The following PPP1R9A variants were observed in gnomAD, a reference collection of about 807,000 sequenced individuals.
The protein encoded by PPP1R9A is protein phosphatase 1 regulatory subunit 9A.
A neutral mutation model predicts 141.9 loss-of-function variants in PPP1R9A; 59 were observed. The observed-to-expected ratio is 0.42, with a 90% CI of 0.34 to 0.52. The LOEUF (loss-of-function observed/expected upper bound fraction) is 0.52. Ranked by LOEUF, PPP1R9A falls within the 20% of genes least tolerant of loss-of-function variation. PPP1R9A has a pLI of 0.10. For missense variants in PPP1R9A, 1,444 were observed against 1,611.9 expected (o/e 0.90, Z 1.78); for synonymous variants, 500 against 569.7 (o/e 0.88, Z 1.74).
chr7:94,919,529 T>C (rs549528111), intron 2 of PPP1R9A, among the ~76,000 whole-genome samples: 35 of 152,294 alleles, frequency 2.3e-4, no homozygotes, highest in African/African-American at 8.4e-4. Context: ...GAAGGAATCC[T>C]GTTCCTTTTC....
At chr7:95,141,750 C>T (rs958287594) in intron 4 of PPP1R9A, among the ~76,000 whole-genome samples, 3 of 151,968 alleles carry the variant, frequency 2.0e-5, no homozygotes, top group Non-Finnish European at 2.9e-5. Context: ...GATAATACCA[C>T]ATTTAGTTTA....
rs541362156 is a variant in PPP1R9A at position 94,944,454 on chromosome 7, C to A, written c.1395+32946C>A. 2.0e-3 allele frequency among the ~76,000 whole-genome samples: 277 copies of A among 139,900 alleles called. 3 individuals carry two copies. Among genetic ancestry groups the A allele is most frequent in the African/African-American group, 8.0e-3 (260 of 32,626 alleles). The allele number at this position is 139,900 out of a possible 152,430, so 91.8% of individuals were successfully genotyped here. A position where few individuals can be genotyped will look rare whatever the true frequency, so the allele number is the denominator to read the frequency against. Reference sequence around the variant, plus strand: ...TATAGTAGAAATATCCACCCCCCCACCCCCCGATTAAAAAAAAAGGTCATT... The same window carrying A: ...TATAGTAGAAATATCCACCCCCCCAACCCCCGATTAAAAAAAAAGGTCATT... On this transcript the variant is annotated intron_variant, in intron 2 of 19. Coordinates refer to ENST00000433360, the MANE Select transcript of PPP1R9A (RefSeq NM_001166160.2).
Position 95,073,874 on chromosome 7 carries a change from A to C in PPP1R9A, c.1396-37385A>C, listed in dbSNP as rs183851535. On this transcript the variant is annotated intron_variant, in intron 2 of 19. Coordinates refer to ENST00000433360, the MANE Select transcript of PPP1R9A (RefSeq NM_001166160.2). ...TGAGATTATAGTCATAAGCCATGGAACCCAGCCCATAACTTCTTTAAACAA... is the reference window on the plus strand; with the variant it reads ...TGAGATTATAGTCATAAGCCATGGACCCCAGCCCATAACTTCTTTAAACAA... Among the ~76,000 whole-genome samples, 418 of 152,054 alleles carry C rather than the reference A, an allele frequency of 2.7e-3. 3 individuals carry two copies. Among genetic ancestry groups the C allele is most frequent in the Middle Eastern group, 6.8e-3 (2 of 294 alleles).
intron 3 of PPP1R9A, among the ~76,000 whole-genome samples, chr7:95,120,319 A>C (rs1822338070): frequency 6.6e-6 from 1 of 152,208 alleles, no homozygotes; most frequent in Admixed American, 6.5e-5. Flanking sequence ...TAAATGAAGG[A>C]GGAATTCCAG....
At chr7:94,938,201 A>C (rs1794968847) in intron 2 of PPP1R9A, among the ~76,000 whole-genome samples, 1 of 152,054 alleles carries the variant, frequency 6.6e-6, no homozygotes, top group Non-Finnish European at 1.5e-5. Context: ...TTTGATTCTT[A>C]AAGGTGCATG....
At chr7:95,065,356 C>T (rs1812804300) in intron 2 of PPP1R9A, among the ~76,000 whole-genome samples, 1 of 152,130 alleles carries the variant, frequency 6.6e-6, no homozygotes, top group South Asian at 2.1e-4. Flanking sequence ...TGAGCCACTG[C>T]ACCTCGCCCC....
chr7:95,087,167 C>T (rs550823454), intron 2 of PPP1R9A, among the ~76,000 whole-genome samples: 3 of 152,022 alleles, frequency 2.0e-5, no homozygotes, highest in East Asian at 1.9e-4. Flanking sequence ...AGTGTAGTTG[C>T]GCTACGATTG....
intron 2 of PPP1R9A, among the ~76,000 whole-genome samples, chr7:94,987,778 A>G (rs1801030065): frequency 6.6e-6 from 1 of 152,140 alleles, no homozygotes; most frequent in Non-Finnish European, 1.5e-5. Context: ...CATGTTTAGA[A>G]TAGTTGTTAG....
chr7:94,982,295 G>A (rs912106204), intron 2 of PPP1R9A, among the ~76,000 whole-genome samples: 3 of 152,162 alleles, frequency 2.0e-5, no homozygotes, highest in African/African-American at 7.2e-5. Flanking sequence ...AGGTGTGCAT[G>A]TGTCTTTATA....
At chr7:95,015,321 G>A (rs1271382400) in intron 2 of PPP1R9A, among the ~76,000 whole-genome samples, 1 of 151,874 alleles carries the variant, frequency 6.6e-6, no homozygotes, top group African/African-American at 2.4e-5. Context: ...TCTACAGTGT[G>A]TAATGCTATT....
intron 8 of PPP1R9A, among the ~76,000 whole-genome samples, chr7:95,240,297 T>G (rs1237160671): frequency 6.6e-6 from 1 of 152,106 alleles, no homozygotes; most frequent in East Asian, 1.9e-4. Context: ...TTAGCACAAT[T>G]TATTGAAGTA....
In PPP1R9A at chr7:95,284,088, C is replaced by T. The variant is rs1804808102; in HGVS notation, c.3367C>T (p.Pro1123Ser). The T allele has an allele frequency of 6.3e-7, 1 of 1,595,964 alleles. No individual in the cohort carries two copies. The highest frequency in any genetic ancestry group is 8.5e-7 in the Non-Finnish European group (1 of 1,176,610). ...AACAGCTCAGACCTCCACTCGTTCC[C>T]CTTGCATGCCTTTCTCATGGTTTAA... ...CSTAQTSTRS[P>S]CMPFSWFNDS... Residue 1123 changes from proline (P) to serine (S), a missense_variant, in exon 17 of 20, where the codon CCT becomes TCT. By Grantham distance (74) the Pro-to-Ser change is moderately conservative. Transcript: ENST00000433360.
chr7:95,099,414 C>A (rs1818461300), intron 2 of PPP1R9A, among the ~76,000 whole-genome samples: 1 of 152,172 alleles, frequency 6.6e-6, no homozygotes, highest in African/African-American at 2.4e-5. Flanking sequence ...AAAACTCTGG[C>A]TGAACTGAAA....
intron 12 of PPP1R9A, 68 bp from the exon 13 acceptor site, chr7:95,268,482 G>T: frequency 6.4e-7 from 1 of 1,554,994 alleles, no homozygotes; most frequent in South Asian, 1.2e-5. Context: ...GATTTTATCA[G>T]TGTCTGTGGT....
intron 8 of PPP1R9A, 100 bp downstream of exon 8, chr7:95,226,216 C>T: frequency 8.1e-7 from 1 of 1,232,962 alleles, no homozygotes. Context: ...GTTTGCAAAT[C>T]AAAGCTTTTT....
chr7:95,214,374 C>T (rs1792827204), intron 7 of PPP1R9A: 1 of 152,222 alleles, frequency 6.6e-6, no homozygotes, highest in African/African-American at 2.4e-5. Flanking sequence ...ACCTGGCAGG[C>T]CTCAGGTCCT....
chr7:95,139,373 A>C (rs966169937), intron 4 of PPP1R9A, among the ~76,000 whole-genome samples: 1 of 152,174 alleles, frequency 6.6e-6, no homozygotes, highest in African/African-American at 2.4e-5. Context: ...ATTACCTCCT[A>C]TCGGGTCCCT....
chr7:95,060,387 A>T (rs1232285589), intron 2 of PPP1R9A, among the ~76,000 whole-genome samples: 1 of 152,164 alleles, frequency 6.6e-6, no homozygotes, highest in Non-Finnish European at 1.5e-5. Context: ...GGAACCAGGG[A>T]TTAAGGTACA....
At chr7:95,195,304 A>G (rs1200236861) in intron 5 of PPP1R9A, among the ~76,000 whole-genome samples, 2 of 149,788 alleles carry the variant, frequency 1.3e-5, no homozygotes, top group Non-Finnish European at 3.0e-5. Context: ...TTCTTGAGAC[A>G]GGGTCTTGCT....
Sources: gnomAD v4.1 joint callset for allele counts (sites outside exome capture counted in the v4.1 genomes callset) on GRCh38, gnomAD v4.1.1 for gene constraint, MANE v1.5 for transcripts, NCBI Gene and HGNC (gene_info 2026-07-23, HGNC 2026-07-21) for gene names.